ABR: variants seen among roughly 807,000 people sequenced by gnomAD.
ABR encodes the protein active breakpoint cluster region-related protein.
ABR carries 35 observed loss-of-function variants against 107.2 expected under a neutral mutation model. The observed-to-expected ratio is 0.33, with a 90% CI of 0.25 to 0.43. The LOEUF is 0.43. ABR is among the 20% of genes least tolerant of loss of function. The pLI, the probability that ABR is intolerant of heterozygous loss-of-function variation, is 1.00. For missense variants in ABR, 815 were observed against 1,115.2 expected, an observed-to-expected ratio of 0.73 and a Z score of 3.83; for synonymous variants, 498 against 462.0, an observed-to-expected ratio of 1.08 and a Z score of -1.00.
chr17:1,129,363 C>A (rs943689543), intron 1 of ABR, among the ~76,000 whole-genome samples: 8 of 129,028 alleles, frequency 6.2e-5, no homozygotes, highest in Non-Finnish European at 1.2e-4. Context: ...TATGGTGAAG[C>A]CATACTGGCT....
chr17:1,093,676 G>A (rs527347479), intron 3 of ABR, among the ~76,000 whole-genome samples: 1 of 152,068 alleles, frequency 6.6e-6, no homozygotes, highest in African/African-American at 2.4e-5. Flanking sequence ...CAAAGCCAGC[G>A]CCAGCTCCCT....
chr17:1,208,748 T>C (rs891596721), intron 1 of ABR, among the ~76,000 whole-genome samples: 15 of 151,508 alleles, frequency 9.9e-5, no homozygotes, highest in African/African-American at 2.2e-4. Context: ...ATTAGCCGGG[T>C]GTGGTGGCGG....
At chr17:1,198,181 C>T (rs895743340) in intron 1 of ABR, among the ~76,000 whole-genome samples, 1 of 151,606 alleles carries the variant, frequency 6.6e-6, no homozygotes, top group African/African-American at 2.4e-5. Context: ...TCTGTCTGCT[C>T]CCCCTCCCAG....
At chr17:1,069,643 G>A (rs933242625) in intron 9 of ABR, among the ~76,000 whole-genome samples, 3 of 152,182 alleles carry the variant, frequency 2.0e-5, no homozygotes, top group Non-Finnish European at 4.4e-5. Flanking sequence ...CTGCACTCCA[G>A]CCTGGGCAAC....
chr17:1,121,484 C>G (rs571988485), intron 2 of ABR, among the ~76,000 whole-genome samples: 1 of 152,342 alleles, frequency 6.6e-6, no homozygotes, highest in South Asian at 2.1e-4. Flanking sequence ...CAGGCCTCCC[C>G]TCATGCTGAA....
At chr17:1,100,439 T>C (rs2037787534) in intron 3 of ABR, among the ~76,000 whole-genome samples, 198 bp downstream of exon 3, 1 of 152,248 alleles carries the variant, frequency 6.6e-6, no homozygotes, top group Non-Finnish European at 1.5e-5. Flanking sequence ...GAGCTGGAGC[T>C]GAGAGGCACA....
intron 1 of ABR, among the ~76,000 whole-genome samples, chr17:1,177,367 C>T (rs1179871975): frequency 2.0e-5 from 3 of 152,172 alleles, no homozygotes; most frequent in Non-Finnish European, 4.4e-5. Flanking sequence ...ATCAGTGCCC[C>T]CTCCCACCCA....
chr17:1,080,590 A>G (rs573704285), intron 5 of ABR, among the ~76,000 whole-genome samples: 4 of 151,666 alleles, frequency 2.6e-5, no homozygotes, highest in African/African-American at 9.7e-5. Flanking sequence ...GATGAGGCCA[A>G]GGTCAGCTGC....
At chr17:1,031,848 G>GCCTCCCTCCCTCCCCGCGCTCC in intron 16 of ABR, 1 of 927,544 alleles carries the variant, frequency 1.1e-6, no homozygotes, top group Non-Finnish European at 1.3e-6. Context: ...CCCCGCGCTC[G>GCCTCCCTCCCTCCCCGCGCTCC]CCTCCCTCCC....
chr17:1,146,260 G>GACACACACAC (rs60058475), intron 1 of ABR, among the ~76,000 whole-genome samples: 12,857 of 139,962 alleles, frequency 0.092, 684 homozygotes, highest in Admixed American at 0.12. Context: ...GGCACATGGA[G>GACACACACAC]ACACACACAC....
At chr17:1,226,408 T>G (rs1193440790) in intron 1 of ABR, among the ~76,000 whole-genome samples, 2 of 152,146 alleles carry the variant, frequency 1.3e-5, no homozygotes, top group Non-Finnish European at 2.9e-5. Context: ...TGTGTATGCA[T>G]GTATGTGGCA....
chr17:1,182,103 C>T (rs575433547), upstream of ABR, among the ~76,000 whole-genome samples: 11 of 152,286 alleles, frequency 7.2e-5, no homozygotes, highest in Non-Finnish European at 4.4e-5. Context: ...CTCCACTCCA[C>T]AACACGATAG....
intron 16 of ABR, among the ~76,000 whole-genome samples, chr17:1,043,467 C>T (rs1315167241): frequency 6.6e-6 from 1 of 152,170 alleles, no homozygotes; most frequent in Non-Finnish European, 1.5e-5. Context: ...CCGCGCCCGG[C>T]CCCTAAAATT....
intron 10 of ABR, among the ~76,000 whole-genome samples, chr17:1,060,079 A>G (rs948537953): frequency 6.6e-6 from 1 of 152,248 alleles, no homozygotes; most frequent in African/African-American, 2.4e-5. Context: ...AAACATTTGT[A>G]TGCAGCCAAG....
At chr17:1,166,819 G>A (rs2041530902) in intron 1 of ABR, among the ~76,000 whole-genome samples, 1 of 152,212 alleles carries the variant, frequency 6.6e-6, no homozygotes, top group Admixed American at 6.5e-5. Context: ...GGCCAACATG[G>A]TGTAACCCTG....
At chr17:1,096,018 C>T (rs1329549259) in intron 3 of ABR, among the ~76,000 whole-genome samples, 1 of 152,198 alleles carries the variant, frequency 6.6e-6, no homozygotes, top group African/African-American at 2.4e-5. Context: ...CACCCTGTGG[C>T]CCCAGCGTAG....
At chr17:1,016,027 G>A (rs2071127736) in intron 16 of ABR, among the ~76,000 whole-genome samples, 2 of 152,118 alleles carry the variant, frequency 1.3e-5, no homozygotes, top group African/African-American at 4.8e-5. Context: ...TCTCTAAAAT[G>A]AACAAGAAAT....
chr17:1,150,812 C>T lies in ABR; in HGVS notation c.62-25445G>A, dbSNP rs550200234. Among the ~76,000 whole-genome samples the T allele has an allele frequency of 6.6e-6, 1 of 152,176 alleles. No individual in the cohort carries two copies. Among genetic ancestry groups the T allele is most frequent in the South Asian group, 2.1e-4 (1 of 4,826 alleles). ...CAGACGCCGGACTCCCTAGGTTCTG[C>T]AAACCCAGCCATCAACACACAGAGG... On this transcript the variant is annotated intron_variant, in intron 1 of 22. Transcript: ENST00000302538. The surrounding 1 kb of genome is among the most constrained non-coding windows in gnomAD (Gnocchi z 4.8).
intron 1 of ABR, among the ~76,000 whole-genome samples, chr17:1,151,740 G>A (rs370331987): frequency 6.6e-6 from 1 of 152,316 alleles, no homozygotes; most frequent in South Asian, 2.1e-4. Context: ...CTGGCTGCCC[G>A]ATCCGGCTCT....
Sources: gnomAD v4.1 joint callset for allele counts (sites outside exome capture counted in the v4.1 genomes callset) on GRCh38, gnomAD v4.1.1 for gene constraint, Gnocchi (gnomAD v3.1) non-coding constraint, MANE v1.5 for transcripts, NCBI Gene and HGNC (gene_info 2026-07-23, HGNC 2026-07-21) for gene names.